DGKG: variants seen among roughly 807,000 people sequenced by gnomAD.
DGKG encodes DAG kinase gamma.
Under a neutral mutation model 105.3 loss-of-function variants are expected in DGKG, and 78 were observed. That is an observed-to-expected ratio of 0.74 (90% CI 0.62 to 0.89). The LOEUF is 0.89. Among genes scored for constraint, DGKG ranks in the 40% least tolerant of loss-of-function variants. The pLI, the probability that DGKG is intolerant of heterozygous loss-of-function variation, is 0.00. For synonymous variants in DGKG, 346 were observed against 367.1 expected (o/e 0.94, Z 0.66); for missense variants, 958 against 1,020.1 (o/e 0.94, Z 0.83).
intron 17 of DGKG, among the ~76,000 whole-genome samples, chr3:186,255,646 C>T (rs58351893): frequency 0.015 from 2,266 of 152,276 alleles, 59 homozygotes; most frequent in African/African-American, 0.051. Context: ...TGGAAGGGTG[C>T]GCAGCAGCTG....
rs150330272 is a variant in DGKG, at chr3:186,358,019, G to A, written c.-249+3927C>T. Among the ~76,000 whole-genome samples, 821 of 152,350 alleles carry A rather than the reference G, an allele frequency of 5.4e-3. 11 individuals carry two copies. Among genetic ancestry groups the A allele is most frequent in the African/African-American group, 0.019 (776 of 41,570 alleles). The stretch of plus-strand genomic sequence containing the variant: ...TGTGAAAACAGACAGCACAGCTCTA[G>A]ACACCTTTCAGGTATATTTCTGGGA... On this transcript the variant is annotated intron_variant, in intron 1 of 24. Coordinates refer to ENST00000265022, the MANE Select transcript of DGKG (RefSeq NM_001346.3).
At chr3:186,192,236 T>C (rs1272239588) in intron 21 of DGKG, among the ~76,000 whole-genome samples, 1 of 152,176 alleles carries the variant, frequency 6.6e-6, no homozygotes, top group Non-Finnish European at 1.5e-5. Context: ...GGTCTTGAAC[T>C]GACCTCAGGT....
intron 22 of DGKG, among the ~76,000 whole-genome samples, chr3:186,178,740 T>C (rs1717214386): frequency 6.6e-6 from 1 of 152,204 alleles, no homozygotes. Context: ...GAATGATTGC[T>C]TCACTTGAAT....
At chr3:186,320,197 G>A (rs1475663479) in intron 2 of DGKG, among the ~76,000 whole-genome samples, 196 bp downstream of exon 2, 1 of 152,160 alleles carries the variant, frequency 6.6e-6, no homozygotes, top group Non-Finnish European at 1.5e-5. Flanking sequence ...TGGTGAGCAC[G>A]TAGTATTTAC....
chr3:186,277,964 T>A (rs553898745), intron 9 of DGKG, among the ~76,000 whole-genome samples: 1 of 152,174 alleles, frequency 6.6e-6, no homozygotes, highest in Non-Finnish European at 1.5e-5. Context: ...TTAAAAACTT[T>A]TAAAGTACAT....
chr3:186,220,313 T>C (rs1430744101), intron 20 of DGKG, among the ~76,000 whole-genome samples: 1 of 152,114 alleles, frequency 6.6e-6, no homozygotes, highest in Non-Finnish European at 1.5e-5. Flanking sequence ...CATGTAAAAT[T>C]ACTACTCTAT....
intron 20 of DGKG, among the ~76,000 whole-genome samples, chr3:186,238,292 TAAAAA>T (rs5855085): frequency 1.7e-4 from 14 of 81,268 alleles, no homozygotes; most frequent in Non-Finnish European, 2.6e-4. Context: ...TGACTCTTTC[TAAAAA>T]AAAAAAAAAA....
At chr3:186,228,554 C>T (rs1020578050) in intron 20 of DGKG, among the ~76,000 whole-genome samples, 7 of 152,176 alleles carry the variant, frequency 4.6e-5, no homozygotes, top group Non-Finnish European at 8.8e-5. Context: ...TGCAGACCAG[C>T]GAGATCTGCT....
chr3:186,340,945 T>C (rs892143538), intron 1 of DGKG, among the ~76,000 whole-genome samples: 39 of 152,178 alleles, frequency 2.6e-4, no homozygotes, highest in Non-Finnish European at 7.3e-5. Context: ...AGGTCTCTGG[T>C]CTCATAACTA....
rs1459609388 is a variant in DGKG, at chr3:186,157,708, A to AT, written c.2277+3894dup. ...AGATGATTGTATATTTTGTTTTACA[A>AT]TTTTTTTTCTTTTGAGACAGAGTCT... On this transcript the variant is annotated intron_variant, in intron 24 of 24. Coordinates refer to ENST00000265022, the MANE Select transcript of DGKG (RefSeq NM_001346.3). Among the ~76,000 whole-genome samples the AT allele has an allele frequency of 1.1e-4, 17 of 151,992 alleles. 1 individual carries two copies. Among genetic ancestry groups the AT allele is most frequent in the Middle Eastern group, 3.4e-3 (1 of 290 alleles).
chr3:186,239,820 C>A (rs1720589610), intron 20 of DGKG, among the ~76,000 whole-genome samples: 1 of 151,844 alleles, frequency 6.6e-6, no homozygotes, highest in Non-Finnish European at 1.5e-5. Context: ...TTTATAGGAT[C>A]TCGGAAGGGA....
chr3:186,233,145 T>G (rs1720234595), intron 20 of DGKG, among the ~76,000 whole-genome samples: 1 of 152,102 alleles, frequency 6.6e-6, no homozygotes, highest in South Asian at 2.1e-4. Context: ...GAGTTTAAGT[T>G]GCCAGTCAAT....
At chr3:186,321,931 G>T (rs752174535) in intron 1 of DGKG, among the ~76,000 whole-genome samples, 4 of 152,134 alleles carry the variant, frequency 2.6e-5, no homozygotes, top group African/African-American at 9.7e-5. Context: ...CAGCCAGCTC[G>T]ACTCTGCTCC....
At chr3:186,160,002 C>T in intron 24 of DGKG, 1 of 214,826 alleles carries the variant, frequency 4.7e-6, no homozygotes, top group East Asian at 1.8e-4. Flanking sequence ...GCCCTTCCGG[C>T]ACCTTGGTCT....
intron 10 of DGKG, among the ~76,000 whole-genome samples, chr3:186,275,079 A>G (rs1021308029): frequency 3.3e-5 from 5 of 152,136 alleles, no homozygotes; most frequent in African/African-American, 1.2e-4. Context: ...AGGTTTCTCC[A>G]TGTTGGCAGG....
At chr3:186,235,252 A>C (rs1468716707) in intron 20 of DGKG, among the ~76,000 whole-genome samples, 5 of 152,254 alleles carry the variant, frequency 3.3e-5, no homozygotes, top group African/African-American at 1.2e-4. Context: ...TACAGGAATA[A>C]GAAAAAACAC....
At chr3:186,326,397 T>TCAAAAAAAAAAAAAAAAAAAAA (rs1560156258) in intron 1 of DGKG, among the ~76,000 whole-genome samples, 5 of 149,726 alleles carry the variant, frequency 3.3e-5, no homozygotes, top group African/African-American at 1.3e-4. Context: ...AGACACTGTC[T>TCAAAAAAAAAAAAAAAAAAAAA]TAAAAAAAAA....
At position 186,272,351 on chromosome 3, in the gene DGKG, GA is replaced by G. The variant is rs574718062; in HGVS notation, c.911-9del. The G allele has an allele frequency of 1.8e-3, 2,918 of 1,607,460 alleles. 7 individuals are homozygous for G. The highest frequency in any genetic ancestry group is 2.2e-3 in the Non-Finnish European group (2,530 of 1,175,052). ...GGACAGTGTATTTACAGTCTGAAAA[GA>G]AAAAAAGTCAAGGCAGGTGCTTGTG... On this transcript the variant is annotated splice_polypyrimidine_tract_variant and intron_variant, in intron 10 of 24. Coordinates refer to ENST00000265022, the MANE Select transcript of DGKG (RefSeq NM_001346.3).
intron 20 of DGKG, among the ~76,000 whole-genome samples, chr3:186,239,559 T>C (rs1720575805): frequency 6.6e-6 from 1 of 152,170 alleles, no homozygotes; most frequent in South Asian, 2.1e-4. Context: ...AGTGGACAAA[T>C]TGGGCACTCC....
Sources: allele counts gnomAD v4.1 joint callset (sites outside exome capture counted in the v4.1 genomes callset), GRCh38; gene constraint gnomAD v4.1.1; transcripts MANE v1.5; gene names NCBI Gene and HGNC (gene_info 2026-07-23, HGNC 2026-07-21).